ASAP2: variants seen among roughly 807,000 people sequenced by gnomAD.
The protein encoded by ASAP2 is arf-GAP with SH3 domain, ANK repeat and PH domain-containing protein 2.
Under a neutral mutation model 131.4 loss-of-function variants are expected in ASAP2, and 45 were observed. The observed-to-expected ratio is 0.34, with a 90% CI of 0.27 to 0.44. ASAP2 has a LOEUF of 0.44. Ranked by LOEUF, ASAP2 falls within the 20% of genes least tolerant of loss-of-function variation. ASAP2 has a pLI of 1.00. For synonymous variants in ASAP2, 510 were observed against 503.0 expected (o/e 1.01, Z -0.19); for missense variants, 1,011 against 1,297.0 (o/e 0.78, Z 3.39).
chr2:9,381,376 G>T (rs993268420), intron 20 of ASAP2, among the ~76,000 whole-genome samples: 10 of 152,230 alleles, frequency 6.6e-5, no homozygotes, highest in Non-Finnish European at 1.3e-4. Context: ...AGTTATACCA[G>T]TATATAAGGT....
At chr2:9,377,588 G>C (rs887838071) in intron 18 of ASAP2, among the ~76,000 whole-genome samples, 4 of 152,170 alleles carry the variant, frequency 2.6e-5, no homozygotes, top group Non-Finnish European at 5.9e-5. Context: ...GCAGCTGAAG[G>C]CTGGACTTCA....
chr2:9,357,281 C>A (rs1672777175), intron 14 of ASAP2, among the ~76,000 whole-genome samples: 1 of 151,694 alleles, frequency 6.6e-6, no homozygotes, highest in African/African-American at 2.4e-5. Flanking sequence ...GAGTTCAAGA[C>A]CAGCCTGGCC....
In ASAP2 at chr2:9,392,570, C is replaced by A. The variant is rs982452530; in HGVS notation, c.2519-912C>A. 1.8e-4 allele frequency among the ~76,000 whole-genome samples: 27 copies of A among 152,314 alleles called. No homozygotes were observed. The highest frequency in any genetic ancestry group is 6.5e-4 in the African/African-American group (27 of 41,560). On this transcript the variant is annotated intron_variant, in intron 23 of 27. Transcript: ENST00000281419. This position sits in a 1 kb window ranked among gnomAD's most constrained non-coding sequence, Gnocchi z 4.0. ...CAGAAGGAACCACTTTCCTGCCTCT[C>A]CGTCTGGTGGTCCAGGGGCTGCATT...
chr2:9,303,148 CAA>C (rs1172149261), intron 3 of ASAP2, among the ~76,000 whole-genome samples: 7 of 152,138 alleles, frequency 4.6e-5, no homozygotes, highest in African/African-American at 1.7e-4. Context: ...TTTAATTAAA[CAA>C]GAGCAATGAT....
In ASAP2 at chr2:9,352,996, A is replaced by T. The variant is rs186447217; in HGVS notation, c.1111+2101A>T. Among the ~76,000 whole-genome samples, 4 of 152,222 alleles carry T rather than the reference A, an allele frequency of 2.6e-5. No homozygotes were observed. In the East Asian group the frequency reaches 5.8e-4, roughly 22 times the overall value. ...GTGAGTTTTCAAAAGGTGCCTTCCT[A>T]TGAGTATCTGTAGTGAAAATGGTTT... is the stretch of plus-strand genomic sequence containing the variant. On this transcript the variant is annotated intron_variant, in intron 12 of 27. Transcript: ENST00000281419.
intron 12 of ASAP2, among the ~76,000 whole-genome samples, chr2:9,355,728 TG>T (rs577430777): frequency 2.0e-5 from 3 of 152,202 alleles, no homozygotes; most frequent in Non-Finnish European, 4.4e-5. Flanking sequence ...AATTACTTTT[TG>T]GGGGCCAACT....
chr2:9,386,738 C>T (rs1020243518), intron 21 of ASAP2, among the ~76,000 whole-genome samples: 2 of 152,204 alleles, frequency 1.3e-5, no homozygotes, highest in African/African-American at 4.8e-5. Flanking sequence ...ACCTGCTAAG[C>T]ACCTGGCATT....
At chr2:9,251,337 C>T (rs1664691664) in intron 1 of ASAP2, among the ~76,000 whole-genome samples, 1 of 152,086 alleles carries the variant, frequency 6.6e-6, no homozygotes, top group African/African-American at 2.4e-5. Flanking sequence ...TTCTGGGCTC[C>T]ATCTGCTTGG....
rs1393938684 is a variant in ASAP2, at chr2:9,217,065, G to A, written c.126+9835G>A. Among the ~76,000 whole-genome samples the A allele has an allele frequency of 6.6e-6, 1 of 152,160 alleles. No homozygotes were observed. Among genetic ancestry groups the A allele is most frequent in the East Asian group, 1.9e-4 (1 of 5,204 alleles). On this transcript the variant is annotated intron_variant, in intron 1 of 27. Coordinates refer to ENST00000281419, the MANE Select transcript of ASAP2 (RefSeq NM_003887.3). The surrounding 1 kb of genome is among the most constrained non-coding windows in gnomAD (Gnocchi z 4.0). ...GTTCATGGAGCTTGGAGGTGATGAAGCCAGGATTCATTCAAATCAAGCATT... is the reference window on the plus strand; with the variant it reads ...GTTCATGGAGCTTGGAGGTGATGAAACCAGGATTCATTCAAATCAAGCATT...
chr2:9,335,256 C>A, intron 9 of ASAP2, 77 bp downstream of exon 9: 3 of 1,326,922 alleles, frequency 2.3e-6, no homozygotes, highest in Non-Finnish European at 3.2e-6. Context: ...ACATGAAGTT[C>A]ATGTCTTCTA....
chr2:9,252,329 C>A (rs990297462), intron 1 of ASAP2, among the ~76,000 whole-genome samples: 2 of 152,148 alleles, frequency 1.3e-5, no homozygotes, highest in Non-Finnish European at 2.9e-5. Flanking sequence ...GCCTGTAATC[C>A]CAGCACTTTG....
intron 23 of ASAP2, 108 bp downstream of exon 23, chr2:9,391,304 C>T: frequency 6.9e-7 from 1 of 1,450,464 alleles, no homozygotes; most frequent in Non-Finnish European, 9.3e-7. Context: ...GTGCCAAGTG[C>T]CCCGTGTTGT....
rs1011533616 is a variant in ASAP2, at chr2:9,207,515, A to G, written c.126+285A>G. Among the ~76,000 whole-genome samples, 16 of 151,240 alleles carry G rather than the reference A, an allele frequency of 1.1e-4. No individual in the cohort carries two copies. The highest frequency in any genetic ancestry group is 6.6e-4 in the Admixed American group (10 of 15,248). On this transcript the variant is annotated intron_variant, in intron 1 of 27. Coordinates refer to ENST00000281419, the MANE Select transcript of ASAP2 (RefSeq NM_003887.3). The surrounding 1 kb of genome is among the most constrained non-coding windows in gnomAD (Gnocchi z 4.1). ...CCGCAGCGCGGCCAACTTTGTCCAG[A>G]GTCGGGGTCCGCGGCGAGCGGGGGA...
Position 9,393,653 on chromosome 2 carries a change from C to T in ASAP2, c.2684+6C>T, listed in dbSNP as rs1675895839. 6.4e-7 allele frequency: 1 copy of T among 1,558,394 alleles called. No homozygotes were observed. The highest frequency in any genetic ancestry group is 8.6e-7 in the Non-Finnish European group (1 of 1,156,682). On this transcript the variant is annotated splice_donor_region_variant and intron_variant, in intron 24 of 27. Transcript: ENST00000281419. ...CAGAAGAAGCCTGCGCCGGGGTAAG[C>T]CACCCCCAGCCAGCTCGGCCATCCG...
chr2:9,379,302 G>T (rs1674650471), intron 19 of ASAP2, among the ~76,000 whole-genome samples: 1 of 152,226 alleles, frequency 6.6e-6, no homozygotes, highest in African/African-American at 2.4e-5. Flanking sequence ...CATAAGACAA[G>T]CAAAGGGTGG....
At chr2:9,210,425 GTTA>G (rs1661447297) in intron 1 of ASAP2, among the ~76,000 whole-genome samples, 1 of 57,980 alleles carries the variant, frequency 1.7e-5, no homozygotes, top group Non-Finnish European at 4.2e-5. Context: ...AGATTATATA[GTTA>G]GTGAGTCCAC....
chr2:9,336,103 A>G (rs999825850), intron 9 of ASAP2: 1 of 152,230 alleles, frequency 6.6e-6, no homozygotes, highest in African/African-American at 2.4e-5. Flanking sequence ...TCGTGAACAT[A>G]CATATATATA....
chr2:9,235,197 G>A (rs1461372091), intron 1 of ASAP2, among the ~76,000 whole-genome samples: 1 of 152,214 alleles, frequency 6.6e-6, no homozygotes, highest in African/African-American at 2.4e-5. Context: ...TCGAGTTAGA[G>A]ATGGGGCCTG....
At chr2:9,308,700 G>A (rs1669105668) in intron 3 of ASAP2, among the ~76,000 whole-genome samples, 1 of 152,194 alleles carries the variant, frequency 6.6e-6, no homozygotes, top group South Asian at 2.1e-4. Context: ...TGAGCTGAGA[G>A]GAAGAGCTCT....
Sources: gnomAD v4.1 joint callset for allele counts (sites outside exome capture counted in the v4.1 genomes callset) on GRCh38, gnomAD v4.1.1 for gene constraint, Gnocchi (gnomAD v3.1) non-coding constraint, MANE v1.5 for transcripts, NCBI Gene and HGNC (gene_info 2026-07-23, HGNC 2026-07-21) for gene names.